Variants in COL18A1 observed in about 807,000 individuals in gnomAD.
COL18A1 encodes collagen alpha-1(XVIII) chain.
Under a neutral mutation model 168.0 loss-of-function variants are expected in COL18A1, and 133 were observed. The ratio of observed to expected loss-of-function variants is 0.79; its 90% CI spans 0.69 to 0.91. The LOEUF is 0.91. Ranked by LOEUF, COL18A1 falls within the 40% of genes least tolerant of loss-of-function variation. COL18A1 has a pLI of 0.00. For missense variants in COL18A1, 2,126 were observed against 1,925.4 expected (o/e 1.10, Z -1.95); for synonymous variants, 949 against 809.0 (o/e 1.17, Z -2.94).
intron 2 of COL18A1, among the ~76,000 whole-genome samples, chr21:45,451,679 G>A (rs62216319): frequency 0.15 from 23,015 of 152,146 alleles, 2,266 homozygotes; most frequent in African/African-American, 0.27. Flanking sequence ...GGTGGGATTT[G>A]AAGGCTGCTT....
In COL18A1 at chr21:45,468,899, C is replaced by G; in HGVS notation, c.651+113C>G. On this transcript the variant is annotated intron_variant, in intron 3 of 41. Transcript: ENST00000651438. ...GGCCGGAAGAGGAGAGCCCCCACCC[C>G]AGCTGTGGTCAGCCCGGGCCTCCAG... 7 of 1,138,984 alleles carry G rather than the reference C, an allele frequency of 6.1e-6. No homozygotes were observed. The South Asian group carries it at 7.9e-5, about 13-fold the overall frequency. The allele number at this position is 1,138,984 out of a possible 1,614,324, so 70.6% of individuals were successfully genotyped here.
chr21:45,468,853 C>T (rs2035312078), intron 3 of COL18A1, 67 bp downstream of exon 3: 2 of 1,426,610 alleles, frequency 1.4e-6, no homozygotes, highest in Non-Finnish European at 1.9e-6. Flanking sequence ...GGGGTGGCCA[C>T]TGGGACAGGG....
intron 2 of COL18A1, among the ~76,000 whole-genome samples, chr21:45,450,080 G>A (rs896008606): frequency 2.0e-5 from 3 of 152,196 alleles, no homozygotes; most frequent in African/African-American, 4.8e-5. Context: ...GCCTGGGGGC[G>A]TGCCCATGGG....
At chr21:45,501,633 G>A (rs568449453) in intron 32 of COL18A1, among the ~76,000 whole-genome samples, 5 of 152,056 alleles carry the variant, frequency 3.3e-5, no homozygotes, top group African/African-American at 9.7e-5. Flanking sequence ...CACAATCCCC[G>A]GTCTCCCAGG....
chr21:45,453,343 G>A (rs903806675), intron 2 of COL18A1, among the ~76,000 whole-genome samples: 2 of 152,236 alleles, frequency 1.3e-5, no homozygotes, highest in African/African-American at 4.8e-5. Context: ...AGCTAAGCAT[G>A]CATGTGCATG....
rs2035102628 is a variant in COL18A1 at position 45,463,306 on chromosome 21, GGCT to G, written c.107-4929_107-4927del. Among the ~76,000 whole-genome samples, 1 of 152,244 alleles carries G rather than the reference GGCT, an allele frequency of 6.6e-6. No individual in the cohort carries two copies. Among genetic ancestry groups the G allele is most frequent in the African/African-American group, 2.4e-5 (1 of 41,450 alleles). ...CCGTCCTGTTTCCCACAAGCTGTGT[GGCT>G]GCTGCTCCAGGAACTCGTGCATGGC... On this transcript the variant is annotated intron_variant, in intron 2 of 41. Coordinates refer to ENST00000651438, the MANE Select transcript of COL18A1 (RefSeq NM_001379500.1). This position sits in a 1 kb window ranked among gnomAD's most constrained non-coding sequence, Gnocchi z 4.0.
At chr21:45,503,884 T>G in intron 32 of COL18A1, 127 bp from the exon 33 acceptor site, 1 of 860,676 alleles carries the variant, frequency 1.2e-6, no homozygotes, top group Non-Finnish European at 1.9e-6. Flanking sequence ...CCTAATTAAA[T>G]ACGCGATCTC....
At chr21:45,420,101 T>A (rs2033572855) in intron 2 of COL18A1, 1 of 152,408 alleles carries the variant, frequency 6.6e-6, no homozygotes, top group South Asian at 2.1e-4. Flanking sequence ...TCAGGACCCC[T>A]GCATCCTGCC....
At position 45,480,244 on chromosome 21, in the gene COL18A1, C is replaced by T. The variant is rs1257278973; in HGVS notation, c.1398+88C>T. The T allele has an allele frequency of 3.5e-6, 4 of 1,128,908 alleles. No homozygotes were observed. The Admixed American group carries it at 7.9e-5, about 22-fold the overall frequency. 69.9% of individuals were successfully genotyped at this position (1,128,908 alleles called of 1,614,324 possible). On this transcript the variant is annotated intron_variant, in intron 11 of 41. Transcript: ENST00000651438. ...TCTGGCCCAGAAGTATCAGCTCCAC[C>T]CTCAGGGGCTTGCGTGGGGTCTTGG...
chr21:45,443,352 A>G lies in COL18A1; in HGVS notation c.107-24890A>G, dbSNP rs2034432951. Among the ~76,000 whole-genome samples the G allele has an allele frequency of 6.6e-6, 1 of 152,128 alleles. No homozygotes were observed. The highest frequency in any genetic ancestry group is 2.4e-5 in the African/African-American group (1 of 41,418). ...CCTGGGGCCTTCCATGAGAAAACCC[A>G]GTTAAGGAGCAACCTGGTAAACCCT... On this transcript the variant is annotated intron_variant, in intron 2 of 41. Coordinates refer to ENST00000651438, the MANE Select transcript of COL18A1 (RefSeq NM_001379500.1). The surrounding 1 kb of genome is among the most constrained non-coding windows in gnomAD (Gnocchi z 5.2).
intron 2 of COL18A1, among the ~76,000 whole-genome samples, chr21:45,435,243 C>T (rs1269162732): frequency 2.0e-5 from 2 of 97,596 alleles, no homozygotes; most frequent in East Asian, 6.7e-4. Flanking sequence ...GGGGTGGGGG[C>T]GGGAGGAGAG....
intron 2 of COL18A1, among the ~76,000 whole-genome samples, chr21:45,437,113 TCA>T (rs1193854116): frequency 1.3e-4 from 7 of 53,076 alleles, no homozygotes; most frequent in South Asian, 1.1e-3. Flanking sequence ...GCACACACAC[TCA>T]CACACAGACA....
intron 41 of COL18A1, 49 bp downstream of exon 41, chr21:45,511,275 AGGCG>A (rs112646272): frequency 2.3e-5 from 25 of 1,068,242 alleles, no homozygotes; most frequent in South Asian, 1.5e-4. Flanking sequence ...CAGCCAGGGA[AGGCG>A]GGCGGGCGGG....
chr21:45,469,703 A>C (rs544016877), intron 3 of COL18A1, among the ~76,000 whole-genome samples: 1 of 152,334 alleles, frequency 6.6e-6, no homozygotes, highest in South Asian at 2.1e-4. Context: ...TCTAGCATTC[A>C]AGCTGGCCTG....
At position 45,505,211 on chromosome 21, in the gene COL18A1, GCGCCAGGGCCCTCCCGGCCCCCCAGGCC is replaced by G; in HGVS notation, c.2948_2975del (p.Arg983ProfsTer39). The G allele has an allele frequency of 6.2e-7, 1 of 1,602,382 alleles. No individual in the cohort carries two copies. Among genetic ancestry groups the G allele is most frequent in the Non-Finnish European group, 8.5e-7 (1 of 1,175,050 alleles). On this transcript the variant is annotated frameshift_variant, in exon 35 of 42. Coordinates refer to ENST00000651438, the MANE Select transcript of COL18A1 (RefSeq NM_001379500.1). LOFTEE classifies it high-confidence loss of function. ...GACCCCCCGGCATCGGCTACGAGGGGCGCCAGGGCCCTCCCGGCCCCCCAGGCCCCCCAGGGCCCCCTTCATTTCCTGG... is the reference window on the plus strand; with the variant it reads ...GACCCCCCGGCATCGGCTACGAGGGGCCCCAGGGCCCCCTTCATTTCCTGG...
chr21:45,443,735 G>C lies in COL18A1; in HGVS notation c.107-24507G>C, dbSNP rs550608191. 6.6e-6 allele frequency among the ~76,000 whole-genome samples: 1 copy of C among 152,340 alleles called. No homozygotes were observed. The highest frequency in any genetic ancestry group is 1.5e-5 in the Non-Finnish European group (1 of 68,018). ...ACACAAATCAAGTGCCAATTTCCTGGTGAAGAGTCTTTATGAGAGCAATGC... is the reference window on the plus strand; with the variant it reads ...ACACAAATCAAGTGCCAATTTCCTGCTGAAGAGTCTTTATGAGAGCAATGC... On this transcript the variant is annotated intron_variant, in intron 2 of 41. Transcript: ENST00000651438. The surrounding 1 kb of genome is among the most constrained non-coding windows in gnomAD (Gnocchi z 5.2).
chr21:45,479,481 A>G (rs891259447), intron 9 of COL18A1, among the ~76,000 whole-genome samples: 2 of 152,146 alleles, frequency 1.3e-5, no homozygotes, highest in Admixed American at 6.5e-5. Context: ...ACACATACAC[A>G]TACCACGTGT....
chr21:45,442,746 G>C (rs1281402440), intron 2 of COL18A1, among the ~76,000 whole-genome samples: 2 of 92,358 alleles, frequency 2.2e-5, no homozygotes, highest in African/African-American at 1.5e-4. Context: ...GGGCAGCGGG[G>C]CTGGTGTGGG....
intron 6 of COL18A1, 26 bp downstream of exon 6, chr21:45,476,506 G>T (rs898693956): frequency 6.4e-7 from 1 of 1,574,736 alleles, no homozygotes; most frequent in Non-Finnish European, 8.6e-7. Flanking sequence ...GATGTGGTGT[G>T]TGTGTGGTGT....
Sources: gnomAD v4.1 joint callset for allele counts (sites outside exome capture counted in the v4.1 genomes callset) on GRCh38, gnomAD v4.1.1 for gene constraint, Gnocchi (gnomAD v3.1) non-coding constraint, MANE v1.5 for transcripts, NCBI Gene and HGNC (gene_info 2026-07-23, HGNC 2026-07-21) for gene names.